The following DSE variants were observed in gnomAD, a reference collection of about 807,000 sequenced individuals.
DSE encodes the protein dermatan sulfate epimerase.
In DSE, 36 loss-of-function variants were observed where a neutral mutation model predicts 84.4. The observed-to-expected ratio is 0.43, with a 90% CI of 0.33 to 0.56. The LOEUF (loss-of-function observed/expected upper bound fraction) is 0.56. DSE is among the 20% of genes least tolerant of loss of function. The pLI is 0.06. For missense variants in DSE, 862 were observed against 1,169.6 expected, an observed-to-expected ratio of 0.74 and a Z score of 3.84; for synonymous variants, 410 against 430.1, an observed-to-expected ratio of 0.95 and a Z score of 0.58.
chr6:116,279,030 C>T, intron 2 of DSE: 1 of 1,613,906 alleles, frequency 6.2e-7, no homozygotes, highest in East Asian at 2.2e-5. Context: ...TGTAGTTCCT[C>T]CGCTCCAGGT....
rs373767762 is a variant in DSE at position 116,279,781 on chromosome 6, C to A, written c.-54+20814C>A. 1 of 1,612,782 alleles carries A rather than the reference C, an allele frequency of 6.2e-7. No homozygotes were observed. The highest frequency in any genetic ancestry group is 1.3e-5 in the African/African-American group (1 of 75,042). ...CGGGACTTGGTCAGAAATAATGATG[C>A]TGTGGGTTTGGAGGGGAGTGGTCCT... On this transcript the variant is annotated intron_variant, in intron 2 of 3. Transcript: ENST00000430252.
chr6:116,302,942 A>G (rs1775125833), intron 2 of DSE, among the ~76,000 whole-genome samples: 1 of 152,200 alleles, frequency 6.6e-6, no homozygotes, highest in Non-Finnish European at 1.5e-5. Flanking sequence ...GTCAAAGATC[A>G]GATGATTGTA....
At chr6:116,271,358 T>A (rs1012943330) in intron 2 of DSE, among the ~76,000 whole-genome samples, 3 of 152,230 alleles carry the variant, frequency 2.0e-5, no homozygotes, top group Non-Finnish European at 4.4e-5. Flanking sequence ...CAGATACTGC[T>A]GGTCTGGAGA....
At chr6:116,350,389 T>C (rs1039784557) in intron 2 of DSE, among the ~76,000 whole-genome samples, 9 of 152,208 alleles carry the variant, frequency 5.9e-5, no homozygotes, top group African/African-American at 2.2e-4. Context: ...CATGATTATA[T>C]GAGAACTCTT....
At chr6:116,260,676 G>A (rs1265445164) in intron 2 of DSE, among the ~76,000 whole-genome samples, 2 of 152,116 alleles carry the variant, frequency 1.3e-5, no homozygotes, top group Non-Finnish European at 2.9e-5. Flanking sequence ...ATAAGGAAGG[G>A]GTCCAGTTTC....
At chr6:116,313,272 T>C (rs1775791821) in intron 2 of DSE, among the ~76,000 whole-genome samples, 1 of 152,240 alleles carries the variant, frequency 6.6e-6, no homozygotes. Flanking sequence ...CCTTGAATTC[T>C]AACTTTTAGC....
chr6:116,371,143 G>GGAC lies in DSE; in HGVS notation c.-54+25_-54+27dup. The GGAC allele has an allele frequency of 5.1e-6, 5 of 985,924 alleles. No homozygotes were observed. In the South Asian group the frequency reaches 2.3e-4, roughly 46 times the overall value. The allele number at this position is 985,924 out of a possible 1,614,324, so 61.1% of individuals were successfully genotyped here. On this transcript the variant is annotated intron_variant, in intron 1 of 5. Transcript: ENST00000644252. ...AGCGGTAAGTGGAGGGGCGCGCAAG[G>GGAC]GACGAGCTGGGGCGCGCGGCGCAAC...
rs1774269555 is a variant in DSE at position 116,291,349 on chromosome 6, T to C, written c.-54+32382T>C. Reference sequence around the variant, plus strand: ...GAGCTTGGTAAGAATTCAGAGGTGATAATTTTGAGATGAGTCCTAATAAGA... The same window carrying C: ...GAGCTTGGTAAGAATTCAGAGGTGACAATTTTGAGATGAGTCCTAATAAGA... On this transcript the variant is annotated intron_variant, in intron 2 of 3. Transcript: ENST00000430252. Among the ~76,000 whole-genome samples, 3 of 152,128 alleles carry C rather than the reference T, an allele frequency of 2.0e-5. No individual in the cohort carries two copies. The South Asian group carries it at 6.2e-4, about 32-fold the overall frequency.
intron 2 of DSE, among the ~76,000 whole-genome samples, chr6:116,260,307 G>A (rs1042550810): frequency 6.6e-6 from 1 of 151,944 alleles, no homozygotes; most frequent in Non-Finnish European, 1.5e-5. Context: ...ATCTGTCCAT[G>A]TCCTTTGCCC....
intron 1 of DSE, among the ~76,000 whole-genome samples, chr6:116,396,961 A>G (rs1466135182): frequency 6.6e-6 from 1 of 152,132 alleles, no homozygotes; most frequent in Non-Finnish European, 1.5e-5. Context: ...CTTCTTACCC[A>G]TATGCTCATA....
intron 2 of DSE, chr6:116,278,526 C>G (rs764043215): frequency 6.2e-7 from 1 of 1,613,994 alleles, no homozygotes; most frequent in African/African-American, 1.3e-5. Flanking sequence ...GTTAACCAGA[C>G]TGGAACCCAA....
intron 2 of DSE, among the ~76,000 whole-genome samples, chr6:116,416,956 T>G (rs1002890130): frequency 2.0e-5 from 3 of 152,228 alleles, no homozygotes; most frequent in Non-Finnish European, 4.4e-5. Flanking sequence ...AATTATAATT[T>G]TCATGAACAA....
At position 116,326,310 on chromosome 6, in the gene DSE, A is replaced by G. The variant is rs536101386; in HGVS notation, c.-54+67343A>G. 6.5e-4 allele frequency among the ~76,000 whole-genome samples: 99 copies of G among 152,096 alleles called. 1 individual carries two copies. Among genetic ancestry groups the G allele is most frequent in the African/African-American group, 2.4e-3 (98 of 41,482 alleles). ...CATAGCCTCTAGAGACGAAAGGAAA[A>G]TCTGAGGCAAGGGTTCTTTTCAGCT... On this transcript the variant is annotated intron_variant, in intron 2 of 3. Transcript: ENST00000430252.
At chr6:116,279,565 C>A (rs752892713) in intron 2 of DSE, 2 of 1,602,846 alleles carry the variant, frequency 1.2e-6, no homozygotes, top group Admixed American at 1.7e-5. Context: ...CACATGACCG[C>A]GACCCCCAAC....
exon 2 of DSE, chr6:116,258,747 C>G (rs761428061): frequency 5.0e-6 from 8 of 1,609,666 alleles, no homozygotes; most frequent in Middle Eastern, 3.3e-4. Context: ...GTGTGGAGTC[C>G]TCCCGGGGAC....
At position 116,426,669 on chromosome 6, in the gene DSE, A is replaced by G. The variant is rs1322132031; in HGVS notation, c.512A>G (p.Lys171Arg). ...GACTTCTTGTACAACTACCTGAGCA[A>G]GACACAACAGGAGAAGTTTCTTGAA... ...AYDFLYNYLS[K>R]TQQEKFLEVI... The change falls in exon 3 of 6, where the codon AAG (lysine) becomes AGG (arginine). Residue 171 changes from lysine to arginine, a missense_variant. By Grantham distance (26) the Lys-to-Arg change is conservative. Coordinates refer to ENST00000644252, the MANE Select transcript of DSE (RefSeq NM_013352.4). 2 of 1,614,022 alleles carry G rather than the reference A, an allele frequency of 1.2e-6. No individual in the cohort carries two copies. Among genetic ancestry groups the G allele is most frequent in the East Asian group, 2.2e-5 (1 of 44,898 alleles).
At chr6:116,341,853 A>G (rs975785418) in intron 2 of DSE, among the ~76,000 whole-genome samples, 2 of 151,676 alleles carry the variant, frequency 1.3e-5, no homozygotes, top group Non-Finnish European at 3.0e-5. Flanking sequence ...TGGTCTATAT[A>G]TCTGTTTTGG....
intron 2 of DSE, among the ~76,000 whole-genome samples, chr6:116,331,679 C>T (rs1413863923): frequency 2.0e-5 from 3 of 152,176 alleles, no homozygotes; most frequent in African/African-American, 7.2e-5. Flanking sequence ...AACAAGTAGG[C>T]CGGGCACAGT....
At chr6:116,320,675 G>A (rs1776251629) in intron 2 of DSE, among the ~76,000 whole-genome samples, 1 of 152,140 alleles carries the variant, frequency 6.6e-6, no homozygotes, top group Admixed American at 6.5e-5. Context: ...TCCTTTGCTT[G>A]AGGTGGCCAC....
Sources: gnomAD v4.1 joint callset for allele counts (sites outside exome capture counted in the v4.1 genomes callset) on GRCh38, gnomAD v4.1.1 for gene constraint, MANE v1.5 for transcripts, NCBI Gene and HGNC (gene_info 2026-07-23, HGNC 2026-07-21) for gene names.